Variants in DIPK1A observed in about 807,000 individuals in gnomAD.
DIPK1A encodes divergent protein kinase domain 1A, also known as family with sequence similarity 69 member A.
DIPK1A carries 27 observed loss-of-function variants against 40.8 expected under a neutral mutation model. The ratio of observed to expected loss-of-function variants is 0.66; its 90% CI spans 0.49 to 0.91. DIPK1A has a LOEUF of 0.91. Among genes scored for constraint, DIPK1A ranks in the 40% least tolerant of loss-of-function variants. The pLI, the probability that DIPK1A is intolerant of heterozygous loss-of-function variation, is 0.00. For missense variants in DIPK1A, 412 were observed against 505.7 expected (o/e 0.81, Z 1.78); for synonymous variants, 166 against 171.3 (o/e 0.97, Z 0.24).
chr1:92,918,159 T>A (rs1650126687), intron 1 of DIPK1A, among the ~76,000 whole-genome samples: 1 of 152,160 alleles, frequency 6.6e-6, no homozygotes, highest in Non-Finnish European at 1.5e-5. Context: ...GTCATTTCTT[T>A]TTTTTTCTGA....
chr1:92,852,265 G>A lies in DIPK1A; in HGVS notation c.190-1310C>T, dbSNP rs559534524. On this transcript the variant is annotated intron_variant, in intron 2 of 4. Coordinates refer to ENST00000370310, the MANE Select transcript of DIPK1A (RefSeq NM_001006605.5). ...TATAATCCCAGCACTTTGGGGGGCC[G>A]AGGCAGGTGGATCACCTGAGGTCAG... is the stretch of plus-strand genomic sequence containing the variant. 1.1e-4 allele frequency among the ~76,000 whole-genome samples: 17 copies of A among 152,306 alleles called. No individual in the cohort carries two copies. In the East Asian group the frequency reaches 2.1e-3, roughly 19 times the overall value.
Position 92,843,106 on chromosome 1 carries a change from T to A in DIPK1A, c.*277A>T. On this transcript the variant is annotated 3_prime_UTR_variant, in exon 5 of 5. Coordinates refer to ENST00000370310, the MANE Select transcript of DIPK1A (RefSeq NM_001006605.5). ...CTGTTGATGTTTATGGAATGAAGCT[T>A]TTCACAGCATTGGTTTTTAAAGTCA... 9.0e-7 allele frequency: 1 copy of A among 1,108,910 alleles called. No homozygotes were observed. Among genetic ancestry groups the A allele is most frequent in the Non-Finnish European group, 1.1e-6 (1 of 908,426 alleles). 68.7% of individuals were successfully genotyped at this position (1,108,910 alleles called of 1,614,324 possible).
At chr1:92,899,704 G>T (rs955588099) in intron 1 of DIPK1A, among the ~76,000 whole-genome samples, 39 of 151,880 alleles carry the variant, frequency 2.6e-4, no homozygotes, top group African/African-American at 8.5e-4. Context: ...TTCTTTTCTT[G>T]TTCTCCTTCA....
intron 1 of DIPK1A, among the ~76,000 whole-genome samples, chr1:92,951,403 C>T (rs1256289765): frequency 6.6e-6 from 1 of 152,144 alleles, no homozygotes; most frequent in Non-Finnish European, 1.5e-5. Flanking sequence ...TGAATTCTGA[C>T]AACTGGAAAG....
At chr1:92,834,693 G>A in intron 4 of DIPK1A, 3 of 1,562,146 alleles carry the variant, frequency 1.9e-6, no homozygotes, top group Non-Finnish European at 2.6e-6. Context: ...GTCCATCAAT[G>A]TTTTTTTATT....
intron 1 of DIPK1A, among the ~76,000 whole-genome samples, chr1:92,928,265 C>A (rs1257711457): frequency 6.6e-6 from 1 of 152,190 alleles, no homozygotes; most frequent in Non-Finnish European, 1.5e-5. Context: ...CTAATACAAT[C>A]TACTTAGAGT....
At chr1:92,879,844 G>A (rs1648291627) in intron 1 of DIPK1A, among the ~76,000 whole-genome samples, 1 of 152,190 alleles carries the variant, frequency 6.6e-6, no homozygotes, top group Admixed American at 6.5e-5. Flanking sequence ...AAGAAATGTA[G>A]TCTGACCTTT....
At chr1:92,959,899 C>A (rs914761608) in intron 1 of DIPK1A, among the ~76,000 whole-genome samples, 1 of 48,390 alleles carries the variant, frequency 2.1e-5, no homozygotes, top group African/African-American at 8.4e-5. Flanking sequence ...AGGCACCCAA[C>A]CAACTTTTTT....
At chr1:92,939,477 A>G (rs902495290) in intron 1 of DIPK1A, among the ~76,000 whole-genome samples, 1 of 152,138 alleles carries the variant, frequency 6.6e-6, no homozygotes, top group African/African-American at 2.4e-5. Context: ...ATTAACCAAA[A>G]CATTCCTAAA....
chr1:92,885,652 A>C (rs966741760), intron 1 of DIPK1A, among the ~76,000 whole-genome samples: 6 of 152,272 alleles, frequency 3.9e-5, no homozygotes, highest in Non-Finnish European at 7.4e-5. Flanking sequence ...TACCGTGCCC[A>C]GTCCCATCTA....
At chr1:92,851,930 T>C (rs921133347) in intron 2 of DIPK1A, among the ~76,000 whole-genome samples, 1 of 151,928 alleles carries the variant, frequency 6.6e-6, no homozygotes, top group African/African-American at 2.4e-5. Context: ...CACCATGAAA[T>C]AGTAAGATAA....
chr1:92,842,641 A>C lies in DIPK1A; in HGVS notation c.*742T>G. On this transcript the variant is annotated 3_prime_UTR_variant, in exon 5 of 5. Transcript: ENST00000370310. ...TCCCACTTTCACATAGTTCAAAATC[A>C]GGATATGTGGATCTTGATTGGGCCT... The C allele has an allele frequency of 1.0e-6, 1 of 985,404 alleles. No individual in the cohort carries two copies. The highest frequency in any genetic ancestry group is 1.2e-6 in the Non-Finnish European group (1 of 829,886). The allele number at this position is 985,404 out of a possible 1,614,324, so 61.0% of individuals were successfully genotyped here.
rs1456523941 is a variant in DIPK1A, at chr1:92,842,595, A to G, written c.*788T>C. On this transcript the variant is annotated 3_prime_UTR_variant, in exon 5 of 5. Coordinates refer to ENST00000370310, the MANE Select transcript of DIPK1A (RefSeq NM_001006605.5). ...ATTACTAAAAAGTCTGCTATAATTT[A>G]TTTTAGTCTTGCACTTACAGTCCCA... 29 of 946,414 alleles carry G rather than the reference A, an allele frequency of 3.1e-5. No individual in the cohort carries two copies. The highest frequency in any genetic ancestry group is 8.6e-6 in the Non-Finnish European group (7 of 813,204). 58.6% of individuals were successfully genotyped at this position (946,414 alleles called of 1,614,324 possible). A position where few individuals can be genotyped will look rare whatever the true frequency, so the allele number is the denominator to read the frequency against.
chr1:92,900,951 A>C (rs1197502649), intron 1 of DIPK1A, among the ~76,000 whole-genome samples: 1 of 151,956 alleles, frequency 6.6e-6, no homozygotes, highest in Admixed American at 6.6e-5. Flanking sequence ...AAAACTTTCT[A>C]AAGTGGTTTT....
rs1481588839 is a variant in DIPK1A, at chr1:92,961,360, G to A, written c.54+16C>T. On this transcript the variant is annotated intron_variant, in intron 1 of 4. Transcript: ENST00000370310. ...GGGTGCTCCCGCAGCTGGTGGCTGG[G>A]CGGCCGCCGGCCTACCTGGAGGTAA... The A allele has an allele frequency of 3.3e-6, 5 of 1,501,372 alleles. No homozygotes were observed. The highest frequency in any genetic ancestry group is 2.9e-5 in the African/African-American group (2 of 68,802). 93.0% of individuals were successfully genotyped at this position (1,501,372 alleles called of 1,614,324 possible).
chr1:92,875,970 C>A (rs538004648), intron 2 of DIPK1A, among the ~76,000 whole-genome samples: 3 of 150,654 alleles, frequency 2.0e-5, no homozygotes, highest in Non-Finnish European at 4.4e-5. Context: ...CTTTTATAGT[C>A]TAAACATTAA....
intron 1 of DIPK1A, among the ~76,000 whole-genome samples, chr1:92,924,586 C>A (rs139611261): frequency 2.0e-5 from 3 of 152,146 alleles, no homozygotes; most frequent in African/African-American, 7.2e-5. Flanking sequence ...CACAGCCCTC[C>A]GTATTTCTAG....
chr1:92,880,453 A>G (rs1648314027), intron 1 of DIPK1A, among the ~76,000 whole-genome samples: 1 of 152,200 alleles, frequency 6.6e-6, no homozygotes, highest in African/African-American at 2.4e-5. Flanking sequence ...CTTTTAAAAT[A>G]TCGTTTGATT....
intron 2 of DIPK1A, among the ~76,000 whole-genome samples, chr1:92,868,792 C>G (rs1386655807): frequency 6.6e-6 from 1 of 151,934 alleles, no homozygotes; most frequent in Non-Finnish European, 1.5e-5. Context: ...GTGGTGAAAC[C>G]TTGTCTCTAC....
Sources: gnomAD v4.1 joint callset for allele counts (sites outside exome capture counted in the v4.1 genomes callset) on GRCh38, gnomAD v4.1.1 for gene constraint, MANE v1.5 for transcripts, NCBI Gene and HGNC (gene_info 2026-07-23, HGNC 2026-07-21) for gene names.